CADM1: variants seen among roughly 807,000 people sequenced by gnomAD.
CADM1 encodes cell adhesion molecule 1.
Under a neutral mutation model 53.1 loss-of-function variants are expected in CADM1, and 15 were observed. The ratio of observed to expected loss-of-function variants is 0.28; its 90% CI spans 0.19 to 0.44. The LOEUF (loss-of-function observed/expected upper bound fraction) is 0.44, where lower values mean the gene tolerates loss of function less well. Ranked by LOEUF, CADM1 falls within the 20% of genes least tolerant of loss-of-function variation. The pLI is 1.00. For synonymous variants in CADM1, 281 were observed against 243.0 expected, an observed-to-expected ratio of 1.16 and a Z score of -1.45; for missense variants, 434 against 611.3, an observed-to-expected ratio of 0.71 and a Z score of 3.06.
intron 1 of CADM1, among the ~76,000 whole-genome samples, chr11:115,407,805 G>A (rs1408538538): frequency 4.9e-5 from 7 of 141,490 alleles, no homozygotes; most frequent in Admixed American, 7.5e-5. Flanking sequence ...GGGGGGGTTC[G>A]AGGCTGCAGT....
chr11:115,296,369 G>A (rs1199018852), intron 1 of CADM1, among the ~76,000 whole-genome samples: 1 of 152,172 alleles, frequency 6.6e-6, no homozygotes, highest in Non-Finnish European at 1.5e-5. Flanking sequence ...CAGTGTGGTG[G>A]GTTTGGGAGA....
chr11:115,319,985 A>C (rs898289539), intron 1 of CADM1, among the ~76,000 whole-genome samples: 1 of 152,214 alleles, frequency 6.6e-6, no homozygotes, highest in South Asian at 2.1e-4. Flanking sequence ...GCTACAAAAA[A>C]ATCGGCAAGT....
intron 10 of CADM1, among the ~76,000 whole-genome samples, chr11:115,190,172 G>A (rs1282716298): frequency 6.6e-6 from 1 of 152,180 alleles, no homozygotes; most frequent in Non-Finnish European, 1.5e-5. Context: ...TAGCTGGTTG[G>A]CAGTTAAGTC....
chr11:115,418,279 AG>A (rs1947659690), intron 1 of CADM1, among the ~76,000 whole-genome samples: 1 of 152,148 alleles, frequency 6.6e-6, no homozygotes, highest in Non-Finnish European at 1.5e-5. Flanking sequence ...GTATAAGGGG[AG>A]TGGAACACGC....
chr11:115,186,588 G>A (rs1056990372), intron 10 of CADM1, among the ~76,000 whole-genome samples: 1 of 152,142 alleles, frequency 6.6e-6, no homozygotes, highest in Non-Finnish European at 1.5e-5. Context: ...GCTTCTCACT[G>A]TCTCCTAAGC....
chr11:115,243,593 T>G (rs1942314290), intron 1 of CADM1, among the ~76,000 whole-genome samples: 1 of 152,162 alleles, frequency 6.6e-6, no homozygotes, highest in Admixed American at 6.5e-5. Context: ...GGTATGTATG[T>G]CAGTACTCTT....
At chr11:115,203,976 G>C (rs1940559031) in intron 8 of CADM1, among the ~76,000 whole-genome samples, 1 of 152,130 alleles carries the variant, frequency 6.6e-6, no homozygotes, top group Non-Finnish European at 1.5e-5. Context: ...GTATTTACTA[G>C]TGCCCCCAAA....
chr11:115,237,100 T>G (rs1365262933), intron 3 of CADM1, among the ~76,000 whole-genome samples: 1 of 152,176 alleles, frequency 6.6e-6, no homozygotes, highest in African/African-American at 2.4e-5. Context: ...ATGCTGCTAA[T>G]GACTTACTCC....
chr11:115,504,131 A>G, intron 1 of CADM1, 140 bp downstream of exon 1: 1 of 1,282,140 alleles, frequency 7.8e-7, no homozygotes, highest in Non-Finnish European at 1.1e-6. Flanking sequence ...CTCAGCCCTG[A>G]GTTTCCTCTC....
chr11:115,464,145 G>C (rs779287670), intron 1 of CADM1, among the ~76,000 whole-genome samples: 6 of 152,030 alleles, frequency 3.9e-5, no homozygotes, highest in Non-Finnish European at 7.4e-5. Context: ...TAACACATTA[G>C]TCTTATTTCA....
chr11:115,185,465 C>A (rs967998194), intron 10 of CADM1, among the ~76,000 whole-genome samples: 2 of 152,182 alleles, frequency 1.3e-5, no homozygotes, highest in African/African-American at 4.8e-5. Context: ...GGTTTCGATT[C>A]GGGTGTACCA....
chr11:115,225,630 C>G (rs1476496234), intron 5 of CADM1, among the ~76,000 whole-genome samples: 1 of 152,136 alleles, frequency 6.6e-6, no homozygotes, highest in East Asian at 1.9e-4. Flanking sequence ...AAGACAAAAG[C>G]AATTCCAAGT....
At chr11:115,363,113 G>A (rs1019365491) in intron 1 of CADM1, among the ~76,000 whole-genome samples, 23 of 152,112 alleles carry the variant, frequency 1.5e-4, no homozygotes, top group Admixed American at 5.2e-4. Context: ...TAAGCCAAGC[G>A]GCTGAGGCTC....
chr11:115,281,269 T>C (rs1943576611), intron 1 of CADM1, among the ~76,000 whole-genome samples: 5 of 152,236 alleles, frequency 3.3e-5, no homozygotes, highest in African/African-American at 1.2e-4. Flanking sequence ...AGGCAGGCTC[T>C]TTTGTAGCAC....
chr11:115,422,376 A>G (rs2135272963), intron 1 of CADM1, among the ~76,000 whole-genome samples: 1 of 152,340 alleles, frequency 6.6e-6, no homozygotes, highest in East Asian at 1.9e-4. Context: ...ATCTGATTAA[A>G]AGGAAAAACA....
At chr11:115,426,851 C>T (rs1947906448) in intron 1 of CADM1, among the ~76,000 whole-genome samples, 1 of 152,102 alleles carries the variant, frequency 6.6e-6, no homozygotes, top group African/African-American at 2.4e-5. Context: ...CAGGAAGAGG[C>T]ATGTGATGGG....
chr11:115,315,036 G>A (rs975081797), intron 1 of CADM1, among the ~76,000 whole-genome samples: 1 of 152,108 alleles, frequency 6.6e-6, no homozygotes, highest in Non-Finnish European at 1.5e-5. Flanking sequence ...TTTAATCTAG[G>A]TACAGCTCTC....
At chr11:115,316,254 A>G (rs1201886068) in intron 1 of CADM1, among the ~76,000 whole-genome samples, 1 of 152,152 alleles carries the variant, frequency 6.6e-6, no homozygotes, top group African/African-American at 2.4e-5. Flanking sequence ...TCTGATCACA[A>G]TCAAGTCAGC....
chr11:115,405,271 A>G (rs1016789338), intron 1 of CADM1, among the ~76,000 whole-genome samples: 2 of 152,212 alleles, frequency 1.3e-5, no homozygotes, highest in Non-Finnish European at 2.9e-5. Flanking sequence ...GATTAAAACA[A>G]GAAGGTATGT....
Sources: gnomAD v4.1 joint callset for allele counts (sites outside exome capture counted in the v4.1 genomes callset) on GRCh38, gnomAD v4.1.1 for gene constraint, MANE v1.5 for transcripts, NCBI Gene and HGNC (gene_info 2026-07-23, HGNC 2026-07-21) for gene names.